The following LYN variants were observed in gnomAD, a reference collection of about 807,000 sequenced individuals.
LYN encodes the protein tyrosine-protein kinase Lyn.
LYN carries 12 observed loss-of-function variants against 65.0 expected under a neutral mutation model. The observed-to-expected ratio is 0.18, with a 90% CI of 0.12 to 0.30. The LOEUF (loss-of-function observed/expected upper bound fraction) is 0.30, where lower values mean the gene tolerates loss of function less well. LYN is among the 10% of genes least tolerant of loss of function. The pLI, the probability that LYN is intolerant of heterozygous loss-of-function variation, is 1.00. For missense variants in LYN, 380 were observed against 623.2 expected (o/e 0.61, Z 4.16); for synonymous variants, 222 against 221.2 (o/e 1.00, Z -0.03).
rs181687286 is a variant in LYN, at chr8:55,997,502, G to A, written c.1051-844G>A. ...CCATATAGCTGTGTCCTCACGTGGT[G>A]GAAGGGGCAAGGCAGCTCTCTGGGG... On this transcript the variant is annotated intron_variant, in intron 10 of 12. Coordinates refer to ENST00000519728, the MANE Select transcript of LYN (RefSeq NM_002350.4). Among the ~76,000 whole-genome samples the A allele has an allele frequency of 3.9e-5, 6 of 152,234 alleles. No individual in the cohort carries two copies. In the East Asian group the frequency reaches 7.7e-4, roughly 20 times the overall value.
chr8:55,891,348 G>A (rs1025774818), intron 1 of LYN, among the ~76,000 whole-genome samples: 4 of 149,586 alleles, frequency 2.7e-5, no homozygotes, highest in Middle Eastern at 3.4e-3. Context: ...GCGAAACTCC[G>A]GCTCAAAAAA....
intron 10 of LYN, among the ~76,000 whole-genome samples, chr8:55,987,589 G>A (rs895030518): frequency 6.6e-6 from 1 of 152,066 alleles, no homozygotes; most frequent in African/African-American, 2.4e-5. Flanking sequence ...GCTAAGTTTT[G>A]TATTTTAGTG....
At chr8:55,935,973 A>T (rs921569992) in intron 1 of LYN, among the ~76,000 whole-genome samples, 2 of 151,950 alleles carry the variant, frequency 1.3e-5, no homozygotes, top group Admixed American at 1.3e-4. Context: ...AAAGCATTCA[A>T]CTCTTCTGAA....
chr8:56,001,935 A>G (rs931922471), intron 12 of LYN, among the ~76,000 whole-genome samples: 1 of 152,122 alleles, frequency 6.6e-6, no homozygotes, highest in African/African-American at 2.4e-5. Context: ...CCCTCAGCCA[A>G]TGTGCACAAT....
At chr8:55,942,784 CAAA>C (rs397891417) in intron 2 of LYN, among the ~76,000 whole-genome samples, 8 of 83,840 alleles carry the variant, frequency 9.5e-5, no homozygotes, top group Admixed American at 1.4e-4. Flanking sequence ...GACTCTGTCT[CAAA>C]AAAAAAAAAA....
rs563609494 is a variant in LYN at position 55,944,821 on chromosome 8, T to A, written c.133-1627T>A. 2.6e-5 allele frequency among the ~76,000 whole-genome samples: 4 copies of A among 152,242 alleles called. No homozygotes were observed. In the South Asian group the frequency reaches 8.3e-4, roughly 32 times the overall value. Reference sequence around the variant, plus strand: ...AATGATGAATAAAGATGTCCTTTATTCAGAAAAGTCAAGGAGAATAGTGTG... The same window carrying A: ...AATGATGAATAAAGATGTCCTTTATACAGAAAAGTCAAGGAGAATAGTGTG... On this transcript the variant is annotated intron_variant, in intron 2 of 12. Coordinates refer to ENST00000519728, the MANE Select transcript of LYN (RefSeq NM_002350.4).
intron 1 of LYN, among the ~76,000 whole-genome samples, chr8:55,896,179 T>A (rs7844040): frequency 0.89 from 134,921 of 151,528 alleles, 60,183 homozygotes; most frequent in East Asian, 0.98. Context: ...CTGAAGTGAG[T>A]GGGTCCCTTG....
chr8:55,979,509 TTTGTGTCTGTA>T (rs1585661404), intron 10 of LYN, among the ~76,000 whole-genome samples: 2 of 152,162 alleles, frequency 1.3e-5, no homozygotes, highest in East Asian at 3.9e-4. Context: ...TAGCTATGCA[TTTGTGTCTGTA>T]GCTCTGCAGC....
At chr8:55,915,120 G>A (rs1018561952) in intron 1 of LYN, among the ~76,000 whole-genome samples, 1 of 152,128 alleles carries the variant, frequency 6.6e-6, no homozygotes, top group Non-Finnish European at 1.5e-5. Flanking sequence ...TCTATTATCT[G>A]CTCTTTCTTT....
chr8:55,942,443 G>A (rs7464418), intron 2 of LYN, among the ~76,000 whole-genome samples: 2,870 of 140,218 alleles, frequency 0.02, 52 homozygotes, highest in African/African-American at 0.031. Context: ...GTGTGTGTGT[G>A]TATATATATA....
intron 1 of LYN, 70 bp from the exon 2 acceptor site, chr8:55,941,785 G>A (rs1019661573): frequency 9.0e-7 from 1 of 1,108,034 alleles, no homozygotes; most frequent in Non-Finnish European, 1.3e-6. Context: ...CTTTTTTATT[G>A]GAGACATTTT....
At chr8:55,979,168 G>A (rs1423250901) in intron 10 of LYN, among the ~76,000 whole-genome samples, 4 of 148,024 alleles carry the variant, frequency 2.7e-5, no homozygotes, top group African/African-American at 5.0e-5. Flanking sequence ...TCAGCCTCCC[G>A]AGTAGCTGGG....
At chr8:55,970,593 A>G (rs1011611511) in intron 10 of LYN, among the ~76,000 whole-genome samples, 2 of 152,124 alleles carry the variant, frequency 1.3e-5, no homozygotes, top group East Asian at 1.9e-4. Flanking sequence ...ACTGGTCCCT[A>G]TAGTCTTCCT....
intron 8 of LYN, chr8:55,954,969 G>A (rs1807064378): frequency 6.6e-6 from 1 of 152,204 alleles, no homozygotes; most frequent in African/African-American, 2.4e-5. Flanking sequence ...CTAATGGAAT[G>A]TGCGGTTATT....
At chr8:55,896,581 C>G (rs1399726731) in intron 1 of LYN, among the ~76,000 whole-genome samples, 1 of 151,932 alleles carries the variant, frequency 6.6e-6, no homozygotes, top group Non-Finnish European at 1.5e-5. Flanking sequence ...GTACAGCAAA[C>G]CACCATGGCT....
At chr8:55,986,285 A>G (rs937627771) in intron 10 of LYN, among the ~76,000 whole-genome samples, 1 of 151,942 alleles carries the variant, frequency 6.6e-6, no homozygotes, top group Admixed American at 6.6e-5. Flanking sequence ...ATCCCTTTAC[A>G]TTCCTGCCAG....
rs2130610234 is a variant in LYN at position 56,013,326 on chromosome 8, G to A, written c.*3216G>A. On this transcript the variant is annotated 3_prime_UTR_variant, in exon 13 of 13. Transcript: ENST00000519728. The stretch of plus-strand genomic sequence containing the variant: ...CTGTCACGCAGGCTAGAGTTGCAGT[G>A]GTGCGATCTCAGCTCATTGCAACCT... The A allele has an allele frequency of 6.7e-6, 1 of 149,070 alleles. No homozygotes were observed. Among genetic ancestry groups the A allele is most frequent in the South Asian group, 2.1e-4 (1 of 4,762 alleles). 9.2% of individuals were successfully genotyped at this position (149,070 alleles called of 1,614,324 possible). A position where few individuals can be genotyped will look rare whatever the true frequency, so the allele number is the denominator to read the frequency against.
chr8:55,974,719 A>G (rs955981523), intron 10 of LYN, among the ~76,000 whole-genome samples: 1 of 152,158 alleles, frequency 6.6e-6, no homozygotes, highest in Non-Finnish European at 1.5e-5. Context: ...AACGTAAGAG[A>G]TGTGTTAGAC....
intron 12 of LYN, among the ~76,000 whole-genome samples, chr8:56,001,452 C>G (rs958719549): frequency 6.6e-6 from 1 of 152,154 alleles, no homozygotes; most frequent in Non-Finnish European, 1.5e-5. Context: ...GCTCCCATCA[C>G]TACTGTTTCA....
Sources: gnomAD v4.1 joint callset for allele counts (sites outside exome capture counted in the v4.1 genomes callset) on GRCh38, gnomAD v4.1.1 for gene constraint, MANE v1.5 for transcripts, NCBI Gene and HGNC (gene_info 2026-07-23, HGNC 2026-07-21) for gene names.